ATP10B: variants seen among roughly 807,000 people sequenced by gnomAD.
The protein encoded by ATP10B is phospholipid-transporting ATPase VB.
In ATP10B, 122 loss-of-function variants were observed where a neutral mutation model predicts 141.2. That is an observed-to-expected ratio of 0.86 (90% confidence interval 0.75 to 1.00). The LOEUF (loss-of-function observed/expected upper bound fraction) is 1.00. Among genes scored for constraint, ATP10B ranks in the 50% least tolerant of loss-of-function variants. The probability of loss-of-function intolerance (pLI) is 0.00; values close to 1 mark genes in which losing one functional copy is unlikely to be tolerated. For missense variants in ATP10B, 1,876 were observed against 1,825.3 expected, an observed-to-expected ratio of 1.03 and a Z score of -0.51; for synonymous variants, 685 against 692.0, an observed-to-expected ratio of 0.99 and a Z score of 0.16.
At chr5:160,752,173 C>CCTT (rs1768199830) in intron 2 of ATP10B, among the ~76,000 whole-genome samples, 1 of 123,312 alleles carries the variant, frequency 8.1e-6, no homozygotes, top group African/African-American at 3.0e-5. Context: ...AGTCCCCCTA[C>CCTT]TTTTTTTTTT....
chr5:160,728,201 C>G (rs970415066), intron 2 of ATP10B, among the ~76,000 whole-genome samples: 1 of 152,114 alleles, frequency 6.6e-6, no homozygotes, highest in Non-Finnish European at 1.5e-5. Context: ...ACCTTACTGC[C>G]TACCGTCTCT....
chr5:160,866,966 C>T, the ATP10B span, among the ~76,000 whole-genome samples: 74 of 152,026 alleles, frequency 4.9e-4, 1 homozygote, highest in Non-Finnish European at 3.5e-4. Flanking sequence ...TGTTTCATTA[C>T]AAGCAAGAGG....
Position 160,564,412 on chromosome 5 carries a change from T to C in ATP10B, c.*1041A>G, listed in dbSNP as rs2127590578. The C allele has an allele frequency of 6.6e-6, 1 of 152,278 alleles. No homozygotes were observed. The highest frequency in any genetic ancestry group is 2.1e-4 in the South Asian group (1 of 4,816). 9.4% of individuals were successfully genotyped at this position (152,278 alleles called of 1,614,324 possible). The stretch of plus-strand genomic sequence containing the variant: ...TGTGAAGTGACACTTGCTCTGACTC[T>C]AACTGATGCAGGCCAGTGTCTTCCA... On this transcript the variant is annotated 3_prime_UTR_variant, in exon 26 of 26. Coordinates refer to ENST00000327245, the MANE Select transcript of ATP10B (RefSeq NM_025153.3).
At chr5:160,704,916 T>TTTTTTTTTTTTTTTTC (rs1764901990) in intron 3 of ATP10B, among the ~76,000 whole-genome samples, 1 of 123,170 alleles carries the variant, frequency 8.1e-6, no homozygotes, top group Admixed American at 7.8e-5. Flanking sequence ...TCTTTCATCT[T>TTTTTTTTTTTTTTTTC]TTTTTTTTTT....
chr5:160,830,219 G>A (rs1217351997), intron 1 of ATP10B, among the ~76,000 whole-genome samples: 1 of 152,006 alleles, frequency 6.6e-6, no homozygotes, highest in Non-Finnish European at 1.5e-5. Context: ...TTTTAATTCT[G>A]TTTATGTGGT....
At chr5:160,758,946 T>A (rs1768835524) in intron 2 of ATP10B, among the ~76,000 whole-genome samples, 1 of 152,214 alleles carries the variant, frequency 6.6e-6, no homozygotes, top group Non-Finnish European at 1.5e-5. Flanking sequence ...GTACATGATT[T>A]TCTTGGGAAA....
intron 22 of ATP10B, among the ~76,000 whole-genome samples, chr5:160,595,363 A>G (rs1214191187): frequency 6.6e-6 from 1 of 152,102 alleles, no homozygotes; most frequent in Non-Finnish European, 1.5e-5. Flanking sequence ...GACACAACAT[A>G]CCAGAATCTC....
At chr5:160,607,405 G>A (rs1757455468) in intron 18 of ATP10B, among the ~76,000 whole-genome samples, 1 of 152,188 alleles carries the variant, frequency 6.6e-6, no homozygotes, top group South Asian at 2.1e-4. Context: ...ATGACAATAC[G>A]TCATGCTGGT....
At chr5:160,893,306 C>G in the ATP10B span, among the ~76,000 whole-genome samples, 9 of 152,304 alleles carry the variant, frequency 5.9e-5, no homozygotes, top group African/African-American at 2.2e-4. Context: ...GCTTGAAATT[C>G]TTGCTGCTAG....
At chr5:160,660,781 A>G (rs1477848809) in intron 7 of ATP10B, among the ~76,000 whole-genome samples, 1 of 152,212 alleles carries the variant, frequency 6.6e-6, no homozygotes, top group Non-Finnish European at 1.5e-5. Flanking sequence ...CAAATGCCAA[A>G]TCTAACCCCA....
At chr5:160,912,067 C>T in the ATP10B span, among the ~76,000 whole-genome samples, 1 of 152,032 alleles carries the variant, frequency 6.6e-6, no homozygotes, top group Non-Finnish European at 1.5e-5. Flanking sequence ...AGAGAGATTA[C>T]ATCTATAGGT....
the ATP10B span, among the ~76,000 whole-genome samples, chr5:160,900,792 ATTTTT>A: frequency 8.9e-6 from 1 of 112,430 alleles, no homozygotes; most frequent in African/African-American, 2.8e-5. Context: ...TAAGATTTAC[ATTTTT>A]TTTTTATTTG....
the ATP10B span, among the ~76,000 whole-genome samples, chr5:160,896,358 G>A: frequency 4.6e-5 from 7 of 151,986 alleles, no homozygotes; most frequent in Admixed American, 1.3e-4. Flanking sequence ...ATGATAATGG[G>A]GATGTCACCA....
intron 24 of ATP10B, among the ~76,000 whole-genome samples, chr5:160,583,818 G>C (rs1414638393): frequency 6.6e-6 from 1 of 152,188 alleles, no homozygotes; most frequent in Non-Finnish European, 1.5e-5. Flanking sequence ...TGGTGGCTTT[G>C]TTTACACTGT....
rs774510556 is a variant in ATP10B, at chr5:160,670,663, C to A, written c.475G>T (p.Glu159Ter). The part of the protein sequence containing the change: ...CSNIRIYERK[E>*]QTYVQKCWKD... The stretch of plus-strand genomic sequence containing the variant: ...CAGCACTTCTGCACATAGGTCTGCT[C>A]TTTTCTTGGGTGAGAGAAAGACAGG... Residue 159 changes from glutamate (E) to a stop codon, truncating the protein, a stop_gained, in exon 7 of 26, where the codon GAG becomes TAG. Transcript: ENST00000327245. LOFTEE classifies it high-confidence loss of function. 6.2e-7 allele frequency: 1 copy of A among 1,613,196 alleles called. No homozygotes were observed. Among genetic ancestry groups the A allele is most frequent in the Non-Finnish European group, 8.5e-7 (1 of 1,179,712 alleles).
intron 2 of ATP10B, among the ~76,000 whole-genome samples, chr5:160,756,133 A>T: frequency 7.5e-6 from 1 of 133,932 alleles, no homozygotes; most frequent in East Asian, 2.2e-4. Context: ...TCTATAAATT[A>T]TTTGCATTAT....
intron 1 of ATP10B, among the ~76,000 whole-genome samples, chr5:160,849,079 G>C (rs1423406535): frequency 1.2e-4 from 18 of 152,162 alleles, no homozygotes; most frequent in Admixed American, 1.2e-3. Context: ...TAGTTCCCGA[G>C]TAATTCTGAT....
At chr5:160,881,332 A>C in the ATP10B span, among the ~76,000 whole-genome samples, 1 of 152,212 alleles carries the variant, frequency 6.6e-6, no homozygotes, top group Non-Finnish European at 1.5e-5. Flanking sequence ...ACTCTCCTTC[A>C]CTACTGGTGG....
At chr5:160,641,959 TTC>T (rs1380240075) in intron 9 of ATP10B, among the ~76,000 whole-genome samples, 2 of 152,182 alleles carry the variant, frequency 1.3e-5, no homozygotes, top group African/African-American at 4.8e-5. Context: ...CCTGTAGAAT[TTC>T]TGCCTGCCTC....
Sources: gnomAD v4.1 joint callset for allele counts (sites outside exome capture counted in the v4.1 genomes callset) on GRCh38, gnomAD v4.1.1 for gene constraint, MANE v1.5 for transcripts, NCBI Gene and HGNC (gene_info 2026-07-23, HGNC 2026-07-21) for gene names.